ZNF682: variants seen among roughly 807,000 people sequenced by gnomAD.
ZNF682 encodes the protein zinc finger protein 682.
ZNF682 carries 29 observed loss-of-function variants against 36.5 expected under a neutral mutation model. That is an observed-to-expected ratio of 0.80 (90% confidence interval 0.59 to 1.08). The LOEUF is 1.08. ZNF682 is among the 50% of genes least tolerant of loss of function. The pLI is 0.00. For synonymous variants in ZNF682, 180 were observed against 197.0 expected, an observed-to-expected ratio of 0.91 and a Z score of 0.72; for missense variants, 561 against 579.7, an observed-to-expected ratio of 0.97 and a Z score of 0.33.
chr19:20,008,638 C>T (rs1283387433), intron 3 of ZNF682, among the ~76,000 whole-genome samples: 1 of 152,126 alleles, frequency 6.6e-6, no homozygotes, highest in Non-Finnish European at 1.5e-5. Context: ...CTCCTGGTGA[C>T]CTAAAAGTGT....
At chr19:20,020,781 CATT>C (rs1389321261) in intron 3 of ZNF682, among the ~76,000 whole-genome samples, 3 of 152,114 alleles carry the variant, frequency 2.0e-5, no homozygotes, top group African/African-American at 7.2e-5. Context: ...ACCTGGAAGA[CATT>C]ATGCTAAGTG....
At chr19:20,016,300 G>A (rs1190911977) in intron 3 of ZNF682, among the ~76,000 whole-genome samples, 1 of 152,110 alleles carries the variant, frequency 6.6e-6, no homozygotes, top group Non-Finnish European at 1.5e-5. Flanking sequence ...GAGAAGACAG[G>A]AAATATATTC....
At chr19:19,997,621 G>T (rs1375148717) in intron 3 of ZNF682, among the ~76,000 whole-genome samples, 1 of 152,158 alleles carries the variant, frequency 6.6e-6, no homozygotes, top group Non-Finnish European at 1.5e-5. Flanking sequence ...ATTTGGAAGT[G>T]GTAGAAAACA....
intron 3 of ZNF682, among the ~76,000 whole-genome samples, chr19:20,021,129 A>G (rs566909196): frequency 2.6e-5 from 4 of 152,356 alleles, no homozygotes; most frequent in African/African-American, 7.2e-5. Context: ...TTTTAAAAAA[A>G]TCTCATGTTT....
In ZNF682 at chr19:20,015,299, C is replaced by T. The variant is rs1378504848; in HGVS notation, c.226+7705G>A. 4 of 985,204 alleles carry T rather than the reference C, an allele frequency of 4.1e-6. No individual in the cohort carries two copies. The East Asian group carries it at 3.4e-4, about 84-fold the overall frequency. 61.0% of individuals were successfully genotyped at this position (985,204 alleles called of 1,614,324 possible). A position where few individuals can be genotyped will look rare whatever the true frequency, so the allele number is the denominator to read the frequency against. Reference sequence around the variant, plus strand: ...GGATAAAACCATCACTGATGACCAACAAAAATGTAAATATAAGAGTCACAA... The same window carrying T: ...GGATAAAACCATCACTGATGACCAATAAAAATGTAAATATAAGAGTCACAA... On this transcript the variant is annotated intron_variant, in intron 3 of 3. Coordinates refer to ENST00000397165, the MANE Select transcript of ZNF682 (RefSeq NM_033196.3).
intron 1 of ZNF682, among the ~76,000 whole-genome samples, chr19:20,025,719 A>G (rs1004697019): frequency 6.6e-6 from 1 of 152,094 alleles, no homozygotes; most frequent in Non-Finnish European, 1.5e-5. Flanking sequence ...ATGAACTACA[A>G]TAGAACAAAT....
chr19:19,999,096 C>T (rs796634000), intron 3 of ZNF682, among the ~76,000 whole-genome samples: 2 of 152,016 alleles, frequency 1.3e-5, no homozygotes, highest in South Asian at 2.1e-4. Context: ...TGATAAAACC[C>T]GAAGTGTGCA....
chr19:20,024,565 C>G (rs761025124), intron 1 of ZNF682, 189 bp from the exon 2 acceptor site: 1 of 676,114 alleles, frequency 1.5e-6, no homozygotes, highest in African/African-American at 1.9e-5. Context: ...TGGCCAGGTT[C>G]GGTGGCTCAC....
At chr19:19,995,189 A>C (rs1367509853), downstream of ZNF682, among the ~76,000 whole-genome samples, 1 of 151,868 alleles carries the variant, frequency 6.6e-6, no homozygotes, top group Non-Finnish European at 1.5e-5. Context: ...ATAAACAAAT[A>C]ATATAATAAG....
chr19:20,007,423 A>C, intron 3 of ZNF682, 148 bp from the exon 4 acceptor site: 1 of 670,720 alleles, frequency 1.5e-6, no homozygotes, highest in Non-Finnish European at 2.4e-6. Context: ...AGAGAAAACA[A>C]AATGTTGAGT....
chr19:20,034,262 T>G (rs2088506797), intron 1 of ZNF682: 1 of 152,262 alleles, frequency 6.6e-6, no homozygotes, highest in Non-Finnish European at 1.5e-5. Context: ...TCTTTGCTGC[T>G]GTCTCATCTG....
intron 3 of ZNF682, among the ~76,000 whole-genome samples, chr19:20,016,007 G>A (rs1197150000): frequency 6.6e-6 from 1 of 152,146 alleles, no homozygotes; most frequent in Non-Finnish European, 1.5e-5. Context: ...TTTACGTGCA[G>A]GCAACTTAAT....
downstream of ZNF682, among the ~76,000 whole-genome samples, chr19:19,996,522 G>T (rs1432097335): frequency 6.6e-6 from 1 of 152,176 alleles, no homozygotes; most frequent in Non-Finnish European, 1.5e-5. Flanking sequence ...CAAAATAATG[G>T]CATTCTCAGC....
chr19:20,003,236 A>C (rs1012579200), downstream of ZNF682, among the ~76,000 whole-genome samples: 2 of 150,868 alleles, frequency 1.3e-5, no homozygotes, highest in Non-Finnish European at 3.0e-5. Flanking sequence ...AGAGCAACAA[A>C]GGAAAGATTG....
intron 1 of ZNF682, among the ~76,000 whole-genome samples, chr19:20,028,938 T>A (rs1303077847): frequency 6.6e-6 from 1 of 151,746 alleles, no homozygotes; most frequent in African/African-American, 2.4e-5. Flanking sequence ...TGGATTTATA[T>A]GAAAAGCCCA....
rs372436552 is a variant in ZNF682, at chr19:20,022,126, C to T, written c.226+878G>A. 4.9e-4 allele frequency among the ~76,000 whole-genome samples: 73 copies of T among 147,502 alleles called. 1 individual carries two copies. Among genetic ancestry groups the T allele is most frequent in the East Asian group, 4.9e-3 (24 of 4,922 alleles). ...CAGAGGTTGCAGTGAGCCAAGATGG[C>T]GCCCTGCACTCCAGCCTGGGTGACA... On this transcript the variant is annotated intron_variant, in intron 3 of 3. Transcript: ENST00000397165.
At chr19:20,034,355 GT>G (rs1221463806) in intron 1 of ZNF682, 1 of 152,130 alleles carries the variant, frequency 6.6e-6, no homozygotes, top group Non-Finnish European at 1.5e-5. Context: ...GGAAACCAAC[GT>G]TGTTCACATA....
intron 1 of ZNF682, chr19:20,039,092 G>T (rs1477238036): frequency 7.4e-7 from 1 of 1,342,334 alleles, no homozygotes; most frequent in Non-Finnish European, 9.7e-7. Context: ...GAACGCGCGC[G>T]GCTCTTCCCA....
downstream of ZNF682, among the ~76,000 whole-genome samples, chr19:20,004,150 G>C (rs2088189847): frequency 6.6e-6 from 1 of 152,062 alleles, no homozygotes; most frequent in Admixed American, 6.6e-5. Context: ...GAAATATATG[G>C]CTTTTGATTA....
Sources: gnomAD v4.1 joint callset for allele counts (sites outside exome capture counted in the v4.1 genomes callset) on GRCh38, gnomAD v4.1.1 for gene constraint, MANE v1.5 for transcripts, NCBI Gene and HGNC (gene_info 2026-07-23, HGNC 2026-07-21) for gene names.